LCOR: variants seen among roughly 807,000 people sequenced by gnomAD.
LCOR encodes the protein ligand-dependent corepressor.
A neutral mutation model predicts 64.4 loss-of-function variants in LCOR; 14 were observed. The observed-to-expected ratio is 0.22, with a 90% CI of 0.14 to 0.34. The LOEUF is 0.34. Among genes scored for constraint, LCOR ranks in the 10% least tolerant of loss-of-function variants. The pLI is 1.00. For synonymous variants in LCOR, 643 were observed against 642.5 expected (o/e 1.00, Z -0.01); for missense variants, 1,686 against 1,765.3 (o/e 0.96, Z 0.80).
At chr10:96,961,198 A>C (rs908986845) in intron 7 of LCOR, 1 of 152,274 alleles carries the variant, frequency 6.6e-6, no homozygotes, top group South Asian at 2.1e-4. Flanking sequence ...TAAAAATGAG[A>C]ATCGAGGCTA....
rs745444795 is a variant in LCOR at position 96,982,353 on chromosome 10, A to G, written c.1893A>G (p.Glu631=). ...ACCTTCCTGAAGAGGACCTGCCAGA[A>G]GGTGGCTCCACAGTCTCAGCTCCCA... ...PAHLPEEDLP[E]GGSTVSAPTA... The change falls in exon 8 of 8, where the codon GAA becomes GAG. Residue 631 remains glutamate (E), a synonymous_variant. Transcript: ENST00000421806. 1 of 1,614,236 alleles carries G rather than the reference A, an allele frequency of 6.2e-7. No homozygotes were observed. The highest frequency in any genetic ancestry group is 8.5e-7 in the Non-Finnish European group (1 of 1,180,024).
At chr10:96,939,055 A>G (rs777928150) in intron 4 of LCOR, among the ~76,000 whole-genome samples, 11 of 152,242 alleles carry the variant, frequency 7.2e-5, no homozygotes, top group Non-Finnish European at 1.3e-4. Context: ...TAGTCTAAAC[A>G]GTCTTGTAAA....
At chr10:96,855,953 C>T (rs868855274) in intron 2 of LCOR, among the ~76,000 whole-genome samples, 3 of 147,402 alleles carry the variant, frequency 2.0e-5, no homozygotes, top group Non-Finnish European at 4.5e-5. Context: ...CATGTTGGTC[C>T]GGCTGGTCTT....
chr10:96,852,942 T>C (rs77050963), intron 2 of LCOR, among the ~76,000 whole-genome samples: 1,531 of 152,358 alleles, frequency 0.01, 22 homozygotes, highest in African/African-American at 0.032. Flanking sequence ...ATCTAAACTT[T>C]GTTGAAGTTA....
chr10:96,911,327 A>G (rs1377282955), intron 4 of LCOR, among the ~76,000 whole-genome samples: 2 of 152,030 alleles, frequency 1.3e-5, no homozygotes, highest in African/African-American at 4.8e-5. Flanking sequence ...TGAACCCCTG[A>G]CCTCAAGTGA....
intron 2 of LCOR, among the ~76,000 whole-genome samples, chr10:96,905,115 T>A (rs1282963885): frequency 6.6e-6 from 1 of 152,156 alleles, no homozygotes; most frequent in Admixed American, 6.5e-5. Context: ...TGACTCAAAT[T>A]TTTGTTAGTA....
chr10:96,927,514 A>G (rs1021569270), intron 4 of LCOR, among the ~76,000 whole-genome samples: 1 of 151,712 alleles, frequency 6.6e-6, no homozygotes, highest in Non-Finnish European at 1.5e-5. Context: ...TATGTTTTTT[A>G]ATGTCCTGTT....
rs1411411249 is a variant in LCOR at position 96,995,403 on chromosome 10, G to A, written c.*10269G>A. On this transcript the variant is annotated 3_prime_UTR_variant, in exon 8 of 8. Coordinates refer to ENST00000421806, the MANE Select transcript of LCOR (RefSeq NM_001346516.2). The surrounding 1 kb of genome is among the most constrained non-coding windows in gnomAD (Gnocchi z 4.2). ...TGAGAAATTCTGCAAGTGGCCACCC[G>A]GAAGATCAGTCTGTAGCTCTTGGGC... 4 of 152,222 alleles carry A rather than the reference G, an allele frequency of 2.6e-5. No homozygotes were observed. The highest frequency in any genetic ancestry group is 7.2e-5 in the African/African-American group (3 of 41,434). 9.4% of individuals were successfully genotyped at this position (152,222 alleles called of 1,614,324 possible).
intron 7 of LCOR, among the ~76,000 whole-genome samples, chr10:96,978,058 T>C (rs1049410602): frequency 1.3e-5 from 2 of 152,242 alleles, no homozygotes; most frequent in African/African-American, 4.8e-5. Flanking sequence ...ACTCTCGTAC[T>C]GTAGCCTGTA....
intron 2 of LCOR, among the ~76,000 whole-genome samples, chr10:96,866,467 G>T (rs531666762): frequency 6.6e-6 from 1 of 152,116 alleles, no homozygotes; most frequent in South Asian, 2.1e-4. Context: ...AAACATTTTT[G>T]TACAAGTCTT....
chr10:96,952,261 G>A (rs571249111), intron 7 of LCOR, 65 bp downstream of exon 7: 55 of 1,081,406 alleles, frequency 5.1e-5, no homozygotes, highest in Non-Finnish European at 6.5e-5. Context: ...GTTGATGCCA[G>A]TCTCCCTTTT....
chr10:96,909,004 C>G (rs555830054), intron 4 of LCOR, among the ~76,000 whole-genome samples: 1 of 152,184 alleles, frequency 6.6e-6, no homozygotes, highest in Non-Finnish European at 1.5e-5. Context: ...CGTGAGCCAC[C>G]GCGCCCGGCC....
chr10:96,977,799 G>C (rs1848050815), intron 7 of LCOR, among the ~76,000 whole-genome samples: 1 of 152,104 alleles, frequency 6.6e-6, no homozygotes. Flanking sequence ...AAGTCTCCCA[G>C]GTAGCTGGGA....
rs190968341 is a variant in LCOR at position 96,932,526 on chromosome 10, C to T, written c.-183-11587C>T. ...GTTCCCAGGCTGGAGTGCAGTGGTG[C>T]GATCTTGGTTCACTGCAACCTCCGC... On this transcript the variant is annotated intron_variant, in intron 4 of 7. Transcript: ENST00000421806. Among the ~76,000 whole-genome samples the T allele has an allele frequency of 3.1e-3, 467 of 151,894 alleles. 3 individuals are homozygous for T. The highest frequency in any genetic ancestry group is 0.011 in the African/African-American group (445 of 41,426).
intron 4 of LCOR, among the ~76,000 whole-genome samples, chr10:96,925,038 T>G (rs1589660080): frequency 6.6e-6 from 1 of 151,700 alleles, no homozygotes; most frequent in South Asian, 2.1e-4. Context: ...CCTCAACCAT[T>G]TATTTATTTA....
intron 2 of LCOR, among the ~76,000 whole-genome samples, chr10:96,897,565 T>A (rs766572640): frequency 4.0e-4 from 61 of 152,364 alleles, no homozygotes; most frequent in Non-Finnish European, 6.3e-4. Context: ...GTAACTTATT[T>A]AATACCTTTG....
chr10:96,887,520 G>A (rs1846364132), intron 2 of LCOR, among the ~76,000 whole-genome samples: 3 of 150,672 alleles, frequency 2.0e-5, no homozygotes, highest in East Asian at 2.0e-4. Flanking sequence ...CCAAGATCAC[G>A]CCACTGCACT....
Position 96,949,153 on chromosome 10 carries a change from C to T in LCOR, c.96C>T (p.Ser32=). The change falls in exon 6 of 8, where the codon AGC becomes AGT. Residue 32 remains serine, a synonymous_variant. Coordinates refer to ENST00000421806, the MANE Select transcript of LCOR (RefSeq NM_001346516.2). ...PSQPNSTKNQ[S]LPKASPVTTS... ...AGCCCAATAGCACAAAGAACCAAAG[C>T]CTGCCGAAAGCATCTCCAGTCACCA... The T allele has an allele frequency of 2.5e-6, 4 of 1,614,120 alleles. No homozygotes were observed. Among genetic ancestry groups the T allele is most frequent in the Non-Finnish European group, 3.4e-6 (4 of 1,180,012 alleles).
chr10:96,951,742 G>C (rs1847684538), intron 6 of LCOR, among the ~76,000 whole-genome samples: 2 of 152,200 alleles, frequency 1.3e-5, no homozygotes, highest in Non-Finnish European at 1.5e-5. Context: ...TTAAAAACTT[G>C]TATGCTTTGA....
Sources: gnomAD v4.1 joint callset for allele counts (sites outside exome capture counted in the v4.1 genomes callset) on GRCh38, gnomAD v4.1.1 for gene constraint, Gnocchi (gnomAD v3.1) non-coding constraint, MANE v1.5 for transcripts, NCBI Gene and HGNC (gene_info 2026-07-23, HGNC 2026-07-21) for gene names.